AHCYL2: variants seen among roughly 807,000 people sequenced by gnomAD.
AHCYL2 encodes adenosylhomocysteinase like 2, also known as S-adenosylhomocysteine hydrolase-like protein 2.
AHCYL2 carries 28 observed loss-of-function variants against 81.4 expected under a neutral mutation model. The ratio of observed to expected loss-of-function variants is 0.34; its 90% CI spans 0.25 to 0.47. The LOEUF is 0.47. Among genes scored for constraint, AHCYL2 ranks in the 20% least tolerant of loss-of-function variants. AHCYL2 has a pLI of 1.00. For missense variants in AHCYL2, 551 were observed against 785.1 expected (o/e 0.70, Z 3.56); for synonymous variants, 272 against 290.2 (o/e 0.94, Z 0.64).
chr7:129,248,510 CTT>C (rs61064725), intron 1 of AHCYL2, among the ~76,000 whole-genome samples: 27 of 140,166 alleles, frequency 1.9e-4, no homozygotes, highest in Admixed American at 2.1e-4. Context: ...TTCTTTTTTT[CTT>C]TTTTTTTTTT....
intron 1 of AHCYL2, among the ~76,000 whole-genome samples, chr7:129,379,235 G>T (rs4728162): frequency 0.29 from 42,979 of 150,602 alleles, 7,546 homozygotes; most frequent in East Asian, 0.6. Context: ...AGCCGAGATC[G>T]TGCCACCGCA....
chr7:129,352,001 A>G (rs1432775789), intron 1 of AHCYL2, among the ~76,000 whole-genome samples: 1 of 151,610 alleles, frequency 6.6e-6, no homozygotes, highest in Non-Finnish European at 1.5e-5. Context: ...TGATGAAGCC[A>G]TTAAAATGAT....
intron 1 of AHCYL2, among the ~76,000 whole-genome samples, chr7:129,305,506 A>T (rs892120492): frequency 1.3e-5 from 2 of 152,064 alleles, no homozygotes; most frequent in Non-Finnish European, 2.9e-5. Flanking sequence ...CTTTAACTTC[A>T]TACCCCCCAC....
chr7:129,273,790 G>A (rs550787027), intron 1 of AHCYL2, among the ~76,000 whole-genome samples: 16 of 152,234 alleles, frequency 1.1e-4, no homozygotes, highest in Middle Eastern at 3.4e-3. Flanking sequence ...TAAGACTTGC[G>A]ATAGAAAAGG....
At chr7:129,272,532 G>T (rs1237629374) in intron 1 of AHCYL2, among the ~76,000 whole-genome samples, 1 of 152,212 alleles carries the variant, frequency 6.6e-6, no homozygotes, top group Non-Finnish European at 1.5e-5. Context: ...GTTAAAGATG[G>T]AGGGACCTTG....
At chr7:129,399,003 G>A (rs1188602160) in intron 5 of AHCYL2, among the ~76,000 whole-genome samples, 1 of 151,728 alleles carries the variant, frequency 6.6e-6, no homozygotes, top group African/African-American at 2.4e-5. Flanking sequence ...TTAGCTGAGT[G>A]TGGTGGTGCA....
intron 1 of AHCYL2, among the ~76,000 whole-genome samples, chr7:129,357,277 T>C (rs187352009): frequency 1.2e-4 from 19 of 152,302 alleles, no homozygotes; most frequent in African/African-American, 4.3e-4. Context: ...AATAGTATTA[T>C]TAGGTAATAG....
intron 8 of AHCYL2, 80 bp from the exon 9 acceptor site, chr7:129,405,756 T>G: frequency 7.5e-7 from 1 of 1,337,646 alleles, no homozygotes; most frequent in Non-Finnish European, 1.0e-6. Flanking sequence ...AAAAACCCCA[T>G]GAAAACAAAG....
intron 1 of AHCYL2, among the ~76,000 whole-genome samples, chr7:129,345,412 C>T (rs770682272): frequency 2.6e-5 from 4 of 152,192 alleles, no homozygotes; most frequent in Non-Finnish European, 5.9e-5. Flanking sequence ...TATCGATGCT[C>T]ATTAGATGTT....
intron 1 of AHCYL2, among the ~76,000 whole-genome samples, chr7:129,231,792 A>G (rs1295106359): frequency 1.3e-5 from 2 of 152,206 alleles, no homozygotes; most frequent in African/African-American, 4.8e-5. Flanking sequence ...CTTCTGTAAC[A>G]GTTCCCAACT....
intron 2 of AHCYL2, among the ~76,000 whole-genome samples, chr7:129,387,354 G>A (rs546803892): frequency 6.6e-6 from 1 of 152,264 alleles, no homozygotes; most frequent in Non-Finnish European, 1.5e-5. Context: ...CTGAATACGT[G>A]AATAAATTAA....
At chr7:129,279,694 A>G (rs1584737304) in intron 1 of AHCYL2, among the ~76,000 whole-genome samples, 2 of 152,212 alleles carry the variant, frequency 1.3e-5, no homozygotes, top group African/African-American at 4.8e-5. Flanking sequence ...TCTTGATCAT[A>G]TATGTTCAAC....
chr7:129,397,141 A>T, intron 4 of AHCYL2, 81 bp from the exon 5 acceptor site: 1 of 1,222,032 alleles, frequency 8.2e-7, no homozygotes, highest in Non-Finnish European at 1.2e-6. Flanking sequence ...GTATTTTCTG[A>T]TTGTAAAATA....
chr7:129,251,317 ATTTTTTTTTTT>A (rs3042851), intron 1 of AHCYL2, among the ~76,000 whole-genome samples: 3 of 119,502 alleles, frequency 2.5e-5, no homozygotes, highest in East Asian at 2.6e-4. Context: ...GATAGTAAAG[ATTTTTTTTTTT>A]TTTTTTTTTT....
chr7:129,243,450 T>A (rs888328841), intron 1 of AHCYL2, among the ~76,000 whole-genome samples: 2 of 152,262 alleles, frequency 1.3e-5, no homozygotes, highest in African/African-American at 4.8e-5. Context: ...ATTGATTTTT[T>A]AAAATCATTT....
intron 1 of AHCYL2, among the ~76,000 whole-genome samples, chr7:129,317,486 A>C (rs530223991): frequency 7.5e-4 from 114 of 152,306 alleles, no homozygotes; most frequent in Non-Finnish European, 1.5e-3. Context: ...ACCGGGAAGA[A>C]AAGGCTGGGT....
intron 1 of AHCYL2, among the ~76,000 whole-genome samples, chr7:129,341,203 A>G (rs953561068): frequency 6.6e-6 from 1 of 152,250 alleles, no homozygotes; most frequent in Non-Finnish European, 1.5e-5. Context: ...TTAGCAAAGA[A>G]TAGAAATTTT....
intron 1 of AHCYL2, among the ~76,000 whole-genome samples, chr7:129,362,711 C>T (rs956924713): frequency 5.4e-5 from 8 of 148,292 alleles, no homozygotes; most frequent in African/African-American, 2.0e-4. Context: ...CTCTTCCTTA[C>T]CTCCCTCTCA....
At chr7:129,381,550 A>G (rs543868377) in intron 2 of AHCYL2, among the ~76,000 whole-genome samples, 1 of 152,222 alleles carries the variant, frequency 6.6e-6, no homozygotes, top group African/African-American at 2.4e-5. Flanking sequence ...CAGGCACAGG[A>G]AGTCAAAACA....
Sources: allele counts gnomAD v4.1 joint callset (sites outside exome capture counted in the v4.1 genomes callset), GRCh38; gene constraint gnomAD v4.1.1; transcripts MANE v1.5; gene names NCBI Gene and HGNC (gene_info 2026-07-23, HGNC 2026-07-21).